Variants in GABRG3 observed in about 807,000 individuals in gnomAD.
The protein encoded by GABRG3 is gamma-aminobutyric acid receptor subunit gamma-3.
A neutral mutation model predicts 48.8 loss-of-function variants in GABRG3; 25 were observed. The observed-to-expected ratio is 0.51, with a 90% CI of 0.37 to 0.72. GABRG3 has a LOEUF of 0.72. Ranked by LOEUF, GABRG3 falls within the 30% of genes least tolerant of loss-of-function variation. The pLI, the probability that GABRG3 is intolerant of heterozygous loss-of-function variation, is 0.00. For missense variants in GABRG3, 394 were observed against 577.9 expected, an observed-to-expected ratio of 0.68 and a Z score of 3.26; for synonymous variants, 227 against 217.6, an observed-to-expected ratio of 1.04 and a Z score of -0.38.
intron 3 of GABRG3, among the ~76,000 whole-genome samples, chr15:27,237,228 G>C (rs1173578665): frequency 2.0e-5 from 3 of 152,210 alleles, no homozygotes; most frequent in African/African-American, 7.2e-5. Flanking sequence ...ATCCAGTGCT[G>C]ACCCACGAGC....
intron 5 of GABRG3, among the ~76,000 whole-genome samples, chr15:27,353,426 C>CCATTTATTTATTTATT (rs1894703432): frequency 6.8e-6 from 1 of 146,016 alleles, no homozygotes; most frequent in African/African-American, 2.6e-5. Context: ...TTCTTTCTTT[C>CCATTTATTTATTTATT]TATTTATTTA....
chr15:27,312,528 G>A (rs922464782), intron 3 of GABRG3, among the ~76,000 whole-genome samples: 2 of 152,024 alleles, frequency 1.3e-5, no homozygotes, highest in South Asian at 2.1e-4. Flanking sequence ...AGAGAATTTC[G>A]AAAAGCAGCA....
chr15:27,367,200 A>G (rs1895236443), intron 5 of GABRG3, among the ~76,000 whole-genome samples: 1 of 152,098 alleles, frequency 6.6e-6, no homozygotes, highest in Non-Finnish European at 1.5e-5. Flanking sequence ...CCCTCCCCCT[A>G]CAAGGACACC....
At chr15:27,002,115 A>T (rs1241238150) in intron 2 of GABRG3, among the ~76,000 whole-genome samples, 1 of 152,226 alleles carries the variant, frequency 6.6e-6, no homozygotes, top group Non-Finnish European at 1.5e-5. Flanking sequence ...TCCAACAACA[A>T]ATAGACTTCA....
intron 5 of GABRG3, among the ~76,000 whole-genome samples, chr15:27,461,761 T>A (rs1889456678): frequency 6.6e-6 from 1 of 152,134 alleles, no homozygotes; most frequent in South Asian, 2.1e-4. Flanking sequence ...ACAGAAAAAT[T>A]CGCCAAGTCC....
chr15:27,446,270 A>G (rs1349664065), intron 5 of GABRG3, among the ~76,000 whole-genome samples: 4 of 152,212 alleles, frequency 2.6e-5, no homozygotes, highest in Non-Finnish European at 4.4e-5. Flanking sequence ...CTTCTGATCA[A>G]TGAACATAGT....
rs181916767 is a variant in GABRG3, at chr15:27,249,433, A to G, written c.271-77376A>G. On this transcript the variant is annotated intron_variant, in intron 3 of 9. Coordinates refer to ENST00000615808, the MANE Select transcript of GABRG3 (RefSeq NM_033223.5). Reference sequence around the variant, plus strand: ...GAGCAGCATGACCCCTGAGTCCCAAATGAGACCATCTCTGTTTTATCAATG... The same window carrying G: ...GAGCAGCATGACCCCTGAGTCCCAAGTGAGACCATCTCTGTTTTATCAATG... Among the ~76,000 whole-genome samples, 133 of 152,280 alleles carry G rather than the reference A, an allele frequency of 8.7e-4. 3 individuals are homozygous for G. Among genetic ancestry groups the G allele is most frequent in the Admixed American group, 8.6e-3 (132 of 15,308 alleles).
At chr15:27,219,841 C>T (rs1889394567) in intron 3 of GABRG3, among the ~76,000 whole-genome samples, 1 of 152,190 alleles carries the variant, frequency 6.6e-6, no homozygotes, top group African/African-American at 2.4e-5. Context: ...TTCAGAAATG[C>T]ATTAATTAGA....
chr15:27,292,118 C>T (rs1891813631), intron 3 of GABRG3, among the ~76,000 whole-genome samples: 1 of 152,130 alleles, frequency 6.6e-6, no homozygotes, highest in Non-Finnish European at 1.5e-5. Flanking sequence ...GACATGAACT[C>T]ATCCTTTTTT....
intron 3 of GABRG3, among the ~76,000 whole-genome samples, chr15:27,133,845 T>C (rs1473809677): frequency 6.6e-6 from 1 of 152,224 alleles, no homozygotes; most frequent in Non-Finnish European, 1.5e-5. Context: ...CATCTTACGG[T>C]ATGCACTTTT....
intron 3 of GABRG3, among the ~76,000 whole-genome samples, chr15:27,295,858 C>G (rs1223511230): frequency 6.6e-6 from 1 of 152,166 alleles, no homozygotes; most frequent in Admixed American, 6.5e-5. Context: ...TAGGCCACTT[C>G]AAAGGAGCTG....
intron 2 of GABRG3, among the ~76,000 whole-genome samples, chr15:26,991,094 T>C (rs1263847566): frequency 2.0e-5 from 3 of 152,186 alleles, no homozygotes; most frequent in African/African-American, 7.2e-5. Context: ...GTGATTTTTG[T>C]TAAGGCAAGT....
Position 27,173,624 on chromosome 15 carries a change from G to A in GABRG3, c.270+146803G>A, listed in dbSNP as rs1182229025. 1.4e-4 allele frequency among the ~76,000 whole-genome samples: 21 copies of A among 151,100 alleles called. No homozygotes were observed. In the Admixed American group the frequency reaches 1.4e-3, roughly 10 times the overall value. Reference sequence around the variant, plus strand: ...GGTGCCTCATGTCTGTAATCCCAGTGCTTTGAGAGGCCAAAGCAGGAGGAT... The same window carrying A: ...GGTGCCTCATGTCTGTAATCCCAGTACTTTGAGAGGCCAAAGCAGGAGGAT... On this transcript the variant is annotated intron_variant, in intron 3 of 9. Transcript: ENST00000615808.
Position 27,393,100 on chromosome 15 carries a change from C to T in GABRG3, c.574+64212C>T, listed in dbSNP as rs547662971. On this transcript the variant is annotated intron_variant, in intron 5 of 9. Coordinates refer to ENST00000615808, the MANE Select transcript of GABRG3 (RefSeq NM_033223.5). ...GTGGCTCATGCCTGTAATCCGAGCA[C>T]TTTGGGAGGCCAAGGCGGGCAGATC... Among the ~76,000 whole-genome samples, 8 of 152,232 alleles carry T rather than the reference C, an allele frequency of 5.3e-5. No individual in the cohort carries two copies. In the East Asian group the frequency reaches 9.7e-4, roughly 18 times the overall value.
intron 1 of GABRG3, among the ~76,000 whole-genome samples, chr15:26,971,880 G>T (rs975429395): frequency 6.6e-6 from 1 of 152,172 alleles, no homozygotes; most frequent in Admixed American, 6.5e-5. Flanking sequence ...GGTTCAGGGG[G>T]CAGGGGCCAT....
intron 3 of GABRG3, 81 bp from the exon 4 acceptor site, chr15:27,326,728 C>T (rs1482745833): frequency 1.7e-6 from 2 of 1,156,364 alleles, no homozygotes; most frequent in Admixed American, 1.8e-5. Flanking sequence ...ATGGAGAGAA[C>T]ACAACGTTTG....
intron 3 of GABRG3, among the ~76,000 whole-genome samples, chr15:27,078,498 A>G (rs117559123): frequency 0.018 from 2,752 of 152,258 alleles, 56 homozygotes; most frequent in Non-Finnish European, 0.024. Flanking sequence ...ACATGCCTTA[A>G]CCACAGCATA....
At chr15:27,489,676 T>C (rs7169207) in intron 6 of GABRG3, among the ~76,000 whole-genome samples, 56,095 of 152,026 alleles carry the variant, frequency 0.37, 11,204 homozygotes, top group Non-Finnish European at 0.46. Flanking sequence ...ATGTCTTCTT[T>C]TGGGAAGTGT....
intron 2 of GABRG3, among the ~76,000 whole-genome samples, chr15:26,985,811 G>A (rs1671966848): frequency 6.6e-6 from 1 of 152,186 alleles, no homozygotes; most frequent in Non-Finnish European, 1.5e-5. Flanking sequence ...TACTATGATT[G>A]ATAATGAAGG....
Sources: gnomAD v4.1 joint callset for allele counts (sites outside exome capture counted in the v4.1 genomes callset) on GRCh38, gnomAD v4.1.1 for gene constraint, MANE v1.5 for transcripts, NCBI Gene and HGNC (gene_info 2026-07-23, HGNC 2026-07-21) for gene names.